The following PBX4 variants were observed in gnomAD, a reference collection of about 807,000 sequenced individuals.
The protein encoded by PBX4 is PBX homeobox 4, also known as pre-B-cell leukemia transcription factor 4.
PBX4 carries 26 observed loss-of-function variants against 35.1 expected under a neutral mutation model. That is an observed-to-expected ratio of 0.74 (90% confidence interval 0.54 to 1.03). The LOEUF is 1.03. Ranked by LOEUF, PBX4 falls within the 50% of genes least tolerant of loss-of-function variation. The probability of loss-of-function intolerance (pLI) is 0.00; values close to 1 mark genes in which losing one functional copy is unlikely to be tolerated. For synonymous variants in PBX4, 199 were observed against 204.2 expected, an observed-to-expected ratio of 0.97 and a Z score of 0.22; for missense variants, 448 against 504.3, an observed-to-expected ratio of 0.89 and a Z score of 1.07.
intron 1 of PBX4, chr19:19,606,793 C>A (rs1379506198): frequency 6.6e-6 from 1 of 152,014 alleles, no homozygotes; most frequent in Non-Finnish European, 1.5e-5. Context: ...AGCCTGGCCA[C>A]CAGCCTGGCC....
chr19:19,581,871 G>C (rs754493652), intron 2 of PBX4, among the ~76,000 whole-genome samples: 1 of 152,184 alleles, frequency 6.6e-6, no homozygotes, highest in Non-Finnish European at 1.5e-5. Context: ...TGTGAGAATA[G>C]GTGGGGGCTT....
At chr19:19,583,566 G>A (rs1194783682) in intron 2 of PBX4, among the ~76,000 whole-genome samples, 1 of 151,416 alleles carries the variant, frequency 6.6e-6, no homozygotes, top group Non-Finnish European at 1.5e-5. Context: ...TGAGCTGACT[G>A]CGCCACTGCA....
chr19:19,569,716 C>T (rs2061368531), intron 4 of PBX4, 132 bp from the exon 5 acceptor site: 10 of 1,257,792 alleles, frequency 8.0e-6, no homozygotes, highest in South Asian at 1.6e-5. Flanking sequence ...TCGAGACCAG[C>T]GTGGTCAACA....
Position 19,562,483 on chromosome 19 carries a change from C to T in PBX4, c.1033-366G>A, listed in dbSNP as rs1357526283. Among the ~76,000 whole-genome samples the T allele has an allele frequency of 6.6e-6, 1 of 151,676 alleles. No homozygotes were observed. The highest frequency in any genetic ancestry group is 1.5e-5 in the Non-Finnish European group (1 of 67,880). On this transcript the variant is annotated intron_variant, in intron 7 of 7. Coordinates refer to ENST00000251203, the MANE Select transcript of PBX4 (RefSeq NM_025245.3). The surrounding 1 kb of genome is among the most constrained non-coding windows in gnomAD (Gnocchi z 4.8). The stretch of plus-strand genomic sequence containing the variant: ...TGACGCCCGGAGCGTCATGGTGAGA[C>T]TCGGTGGGAAAAAGGGGCTCTGAAA...
chr19:19,616,917 C>T (rs1160982449), intron 1 of PBX4, among the ~76,000 whole-genome samples: 1 of 151,938 alleles, frequency 6.6e-6, no homozygotes, highest in Non-Finnish European at 1.5e-5. Flanking sequence ...CTCCTGACCT[C>T]GTGATTCACC....
intron 2 of PBX4, among the ~76,000 whole-genome samples, chr19:19,593,680 G>A (rs944129711): frequency 2.6e-5 from 4 of 152,178 alleles, no homozygotes; most frequent in Admixed American, 2.6e-4. Flanking sequence ...AGCAGTTGCT[G>A]TCTCATCCCT....
At chr19:19,612,043 C>G (rs2061665410) in intron 1 of PBX4, among the ~76,000 whole-genome samples, 1 of 151,962 alleles carries the variant, frequency 6.6e-6, no homozygotes, top group African/African-American at 2.4e-5. Context: ...CTGAGGCAGG[C>G]AGATCACCTG....
chr19:19,596,337 C>A (rs1038549594), intron 2 of PBX4, among the ~76,000 whole-genome samples: 3 of 151,214 alleles, frequency 2.0e-5, no homozygotes, highest in Non-Finnish European at 4.4e-5. Context: ...TGCACCACTG[C>A]ACTCCAGGCT....
intron 2 of PBX4, among the ~76,000 whole-genome samples, chr19:19,581,653 G>A (rs972829045): frequency 6.6e-6 from 1 of 152,172 alleles, no homozygotes; most frequent in Non-Finnish European, 1.5e-5. Flanking sequence ...GGAGACAAAG[G>A]CCACGCTGCA....
chr19:19,568,435 T>A (rs2061358316), intron 5 of PBX4, among the ~76,000 whole-genome samples: 5 of 147,344 alleles, frequency 3.4e-5, no homozygotes, highest in South Asian at 4.5e-4. Flanking sequence ...ACACTCCATC[T>A]GTATCCCTCA....
intron 2 of PBX4, among the ~76,000 whole-genome samples, chr19:19,578,451 C>T (rs986024654): frequency 2.6e-5 from 4 of 152,142 alleles, no homozygotes; most frequent in African/African-American, 9.7e-5. Flanking sequence ...AGCTCAGTTC[C>T]GGTGACTGTT....
At chr19:19,603,993 T>C (rs2061613790) in intron 1 of PBX4, among the ~76,000 whole-genome samples, 1 of 150,930 alleles carries the variant, frequency 6.6e-6, no homozygotes, top group Admixed American at 6.6e-5. Flanking sequence ...GGTATGTGCA[T>C]GTAGCAGAAC....
Position 19,562,059 on chromosome 19 carries a change from T to C in PBX4, c.1091A>G (p.Asp364Gly). The change falls in exon 8 of 8, where the codon GAC (aspartate) becomes GGC (glycine). Residue 364 changes from aspartate to glycine, a missense_variant. Coordinates refer to ENST00000251203, the MANE Select transcript of PBX4 (RefSeq NM_025245.3). The surrounding 1 kb of genome is among the most constrained non-coding windows in gnomAD (Gnocchi z 4.8). ...TGTACTGGAGTTGATGCTGCCAGGG[T>C]CTCCAGCAGGTGAGGCAGTTGCAGG... is the stretch of plus-strand genomic sequence containing the variant. ...PQPATASPAG[D>G]PGSINSSTSN 6.2e-7 allele frequency: 1 copy of C among 1,613,310 alleles called. No individual in the cohort carries two copies.
At chr19:19,610,149 C>T (rs1419795720) in intron 1 of PBX4, among the ~76,000 whole-genome samples, 3 of 152,196 alleles carry the variant, frequency 2.0e-5, no homozygotes, top group Non-Finnish European at 4.4e-5. Flanking sequence ...CACGGTGGCT[C>T]ACGTCTGTAA....
intron 1 of PBX4, among the ~76,000 whole-genome samples, chr19:19,616,163 C>T (rs536933809): frequency 6.6e-6 from 1 of 152,232 alleles, no homozygotes; most frequent in East Asian, 1.9e-4. Flanking sequence ...AGGACCCAGA[C>T]ACAGTGGGCT....
rs769196000 is a variant in PBX4 at position 19,561,971 on chromosome 19, G to A, written c.*54C>T. Reference sequence around the variant, plus strand: ...GCGGCACGTTCAGTAACAAAGCAACGGCTGGCGATACATGGCAGCTCACGC... The same window carrying A: ...GCGGCACGTTCAGTAACAAAGCAACAGCTGGCGATACATGGCAGCTCACGC... On this transcript the variant is annotated 3_prime_UTR_variant, in exon 8 of 8. Transcript: ENST00000251203. The A allele has an allele frequency of 4.7e-6, 7 of 1,480,232 alleles. No individual in the cohort carries two copies. The highest frequency in any genetic ancestry group is 2.5e-5 in the East Asian group (1 of 40,638). 91.7% of individuals were successfully genotyped at this position (1,480,232 alleles called of 1,614,324 possible).
At chr19:19,613,767 AC>A (rs2061675102) in intron 1 of PBX4, among the ~76,000 whole-genome samples, 1 of 152,114 alleles carries the variant, frequency 6.6e-6, no homozygotes, top group African/African-American at 2.4e-5. Flanking sequence ...GTGTCATGAA[AC>A]TACTGAATGC....
intron 2 of PBX4, among the ~76,000 whole-genome samples, chr19:19,593,588 G>A (rs1182441721): frequency 6.6e-6 from 1 of 152,128 alleles, no homozygotes; most frequent in Admixed American, 6.6e-5. Flanking sequence ...TGCACTTCCT[G>A]ATATAAAAAG....
intron 2 of PBX4, among the ~76,000 whole-genome samples, chr19:19,591,446 G>GTT (rs1157077727): frequency 6.6e-6 from 1 of 152,240 alleles, no homozygotes; most frequent in African/African-American, 2.4e-5. Context: ...ATTCCCTGAT[G>GTT]TTATGCATTA....
Sources: allele counts gnomAD v4.1 joint callset (sites outside exome capture counted in the v4.1 genomes callset), GRCh38; gene constraint gnomAD v4.1.1; non-coding constraint Gnocchi (gnomAD v3.1); transcripts MANE v1.5; gene names NCBI Gene and HGNC (gene_info 2026-07-23, HGNC 2026-07-21).